HP1BP3: variants seen among roughly 807,000 people sequenced by gnomAD.
HP1BP3 encodes the protein heterochromatin protein 1-binding protein 3.
In HP1BP3, 12 loss-of-function variants were observed where a neutral mutation model predicts 62.5. The observed-to-expected ratio is 0.19, with a 90% CI of 0.12 to 0.31. The LOEUF (loss-of-function observed/expected upper bound fraction) is 0.31, where lower values mean the gene tolerates loss of function less well. Among genes scored for constraint, HP1BP3 ranks in the 10% least tolerant of loss-of-function variants. The pLI is 1.00. For synonymous variants in HP1BP3, 260 were observed against 237.8 expected, an observed-to-expected ratio of 1.09 and a Z score of -0.86; for missense variants, 502 against 651.8, an observed-to-expected ratio of 0.77 and a Z score of 2.50.
intron 11 of HP1BP3, 37 bp downstream of exon 11, chr1:20,747,507 T>C (rs1557634821): frequency 3.9e-6 from 5 of 1,271,190 alleles, no homozygotes; most frequent in African/African-American, 1.5e-5. Context: ...ACTTAGACTA[T>C]AAATTTACAG....
chr1:20,751,284 A>G (rs1428364181), intron 9 of HP1BP3, among the ~76,000 whole-genome samples: 1 of 152,020 alleles, frequency 6.6e-6, no homozygotes, highest in African/African-American at 2.4e-5. Context: ...CTGGGAATCT[A>G]AAGTTTTTTA....
At chr1:20,764,920 G>A (rs2056696943) in intron 8 of HP1BP3, among the ~76,000 whole-genome samples, 1 of 150,726 alleles carries the variant, frequency 6.6e-6, no homozygotes, top group Non-Finnish European at 1.5e-5. Flanking sequence ...TGTAATCCTA[G>A]CACTTTGGGA....
chr1:20,783,539 TTAAAAAAAA>T (rs1225526394), intron 1 of HP1BP3, among the ~76,000 whole-genome samples: 1 of 139,886 alleles, frequency 7.1e-6, no homozygotes, highest in Non-Finnish European at 1.6e-5. Context: ...CAACAACAAT[TTAAAAAAAA>T]AACAAAAAAA....
rs530882737 is a variant in HP1BP3, at chr1:20,744,100, C to T, written c.*697G>A. The T allele has an allele frequency of 6.6e-6, 1 of 152,370 alleles. No homozygotes were observed. Among genetic ancestry groups the T allele is most frequent in the Non-Finnish European group, 1.5e-5 (1 of 68,016 alleles). 9.4% of individuals were successfully genotyped at this position (152,370 alleles called of 1,614,324 possible). A position where few individuals can be genotyped will look rare whatever the true frequency, so the allele number is the denominator to read the frequency against. On this transcript the variant is annotated 3_prime_UTR_variant, in exon 13 of 13. Transcript: ENST00000438032. ...CGACAACAACAACAACAACAAAAAACAAGTGATATAGAGAACTTGTGCTTG... is the reference window on the plus strand; with the variant it reads ...CGACAACAACAACAACAACAAAAAATAAGTGATATAGAGAACTTGTGCTTG...
rs35710978 is a variant in HP1BP3 at position 20,746,186 on chromosome 1, A to ATG, written c.1254-532_1254-531dup. Among the ~76,000 whole-genome samples, 1,251 of 143,192 alleles carry ATG rather than the reference A, an allele frequency of 8.7e-3. 12 individuals are homozygous for ATG. The highest frequency in any genetic ancestry group is 0.011 in the Non-Finnish European group (707 of 66,522). 93.9% of individuals were successfully genotyped at this position (143,192 alleles called of 152,430 possible). On this transcript the variant is annotated intron_variant, in intron 11 of 12. Coordinates refer to ENST00000438032, the MANE Select transcript of HP1BP3 (RefSeq NM_001372052.1). The stretch of plus-strand genomic sequence containing the variant: ...CTTAAATGATAACATACATACATAT[A>ATG]TGTGTGTGTGTGTGTGTGTGTGTGT...
At chr1:20,765,051 C>T (rs552404031) in intron 8 of HP1BP3, among the ~76,000 whole-genome samples, 30 of 149,900 alleles carry the variant, frequency 2.0e-4, no homozygotes, top group African/African-American at 6.1e-4. Flanking sequence ...TGCCTGTAGG[C>T]GCAGCTACCC....
At chr1:20,765,631 T>C (rs2056742177) in intron 7 of HP1BP3, 100 bp from the exon 8 acceptor site, 2 of 889,682 alleles carry the variant, frequency 2.2e-6, no homozygotes, top group South Asian at 3.3e-5. Context: ...TTTGTCAATT[T>C]TATGGCAATT....
intron 10 of HP1BP3, among the ~76,000 whole-genome samples, chr1:20,748,543 G>A (rs1026811368): frequency 6.6e-6 from 1 of 152,208 alleles, no homozygotes; most frequent in Admixed American, 6.5e-5. Context: ...TAAGGAGATT[G>A]AGATCATCTT....
At chr1:20,777,853 T>C (rs2057372936) in intron 3 of HP1BP3, among the ~76,000 whole-genome samples, 1 of 152,240 alleles carries the variant, frequency 6.6e-6, no homozygotes, top group African/African-American at 2.4e-5. Context: ...CCATCCTCCT[T>C]TGGAATTCTC....
chr1:20,740,830 G>A lies in HP1BP3; in HGVS notation c.*3967C>T, dbSNP rs1401033287. Among the ~76,000 whole-genome samples, 1 of 152,196 alleles carries A rather than the reference G, an allele frequency of 6.6e-6. No homozygotes were observed. The highest frequency in any genetic ancestry group is 6.5e-5 in the Admixed American group (1 of 15,272). ...AAACTCCATCTCAAAAAAATAATAAGTAAAAGAATATAGTTATAAAGACGG... is the reference window on the plus strand; with the variant it reads ...AAACTCCATCTCAAAAAAATAATAAATAAAAGAATATAGTTATAAAGACGG... On this transcript the variant is annotated 3_prime_UTR_variant, in exon 13 of 13. Transcript: ENST00000438032.
Position 20,744,660 on chromosome 1 carries a change from T to C in HP1BP3, c.*137A>G, listed in dbSNP as rs897547886. On this transcript the variant is annotated 3_prime_UTR_variant, in exon 13 of 13. Coordinates refer to ENST00000438032, the MANE Select transcript of HP1BP3 (RefSeq NM_001372052.1). ...GCTAGCAAATGCCTAAACTGGTTTA[T>C]TTAGAGTCCCTCCCCACAATGTTCA... The C allele has an allele frequency of 6.2e-6, 5 of 807,134 alleles. No homozygotes were observed. Among genetic ancestry groups the C allele is most frequent in the Admixed American group, 2.9e-5 (1 of 34,464 alleles). 50.0% of individuals were successfully genotyped at this position (807,134 alleles called of 1,614,324 possible).
intron 5 of HP1BP3, 140 bp from the exon 6 acceptor site, chr1:20,771,213 G>T: frequency 3.1e-6 from 2 of 647,856 alleles, no homozygotes; most frequent in South Asian, 3.9e-5. Flanking sequence ...GAAGACTTCA[G>T]TTCATAATGA....
intron 8 of HP1BP3, among the ~76,000 whole-genome samples, chr1:20,758,923 G>T (rs550405456): frequency 6.6e-6 from 1 of 152,158 alleles, no homozygotes; most frequent in African/African-American, 2.4e-5. Flanking sequence ...AAAGTGCTGG[G>T]ATTACACATG....
intron 4 of HP1BP3, chr1:20,775,753 G>A: frequency 2.4e-6 from 1 of 424,470 alleles, no homozygotes; most frequent in Non-Finnish European, 4.2e-6. Context: ...ACAGTATTTA[G>A]TACAGTAACA....
At chr1:20,757,117 CA>C in intron 9 of HP1BP3, 48 bp downstream of exon 9, 2 of 1,327,210 alleles carry the variant, frequency 1.5e-6, no homozygotes, top group Non-Finnish European at 2.1e-6. Flanking sequence ...GTCCTGAAAC[CA>C]AAAACTTTAA....
chr1:20,785,038 T>A (rs1410253296), intron 1 of HP1BP3, among the ~76,000 whole-genome samples: 3 of 152,164 alleles, frequency 2.0e-5, no homozygotes, highest in Non-Finnish European at 2.9e-5. Context: ...TCCTCCCACC[T>A]CAGCCACCTG....
chr1:20,779,045 C>A (rs2057427188), intron 3 of HP1BP3, among the ~76,000 whole-genome samples: 1 of 152,166 alleles, frequency 6.6e-6, no homozygotes. Context: ...CCTCCTTGGC[C>A]TCCCAAAGTG....
At chr1:20,754,166 T>C (rs2055949668) in intron 9 of HP1BP3, among the ~76,000 whole-genome samples, 1 of 152,196 alleles carries the variant, frequency 6.6e-6, no homozygotes, top group Admixed American at 6.5e-5. Context: ...GGGCGAAGGA[T>C]ACAAGAGCAA....
At chr1:20,764,739 G>A (rs983174294) in intron 8 of HP1BP3, among the ~76,000 whole-genome samples, 8 of 150,932 alleles carry the variant, frequency 5.3e-5, no homozygotes, top group African/African-American at 1.7e-4. Flanking sequence ...GGCCAGGCAC[G>A]GTAACCGGGG....
Sources: allele counts gnomAD v4.1 joint callset (sites outside exome capture counted in the v4.1 genomes callset), GRCh38; gene constraint gnomAD v4.1.1; transcripts MANE v1.5; gene names NCBI Gene and HGNC (gene_info 2026-07-23, HGNC 2026-07-21).